Variants in ETFA observed in about 807,000 individuals in gnomAD.
The protein encoded by ETFA is electron transfer flavoprotein subunit alpha.
ETFA carries 22 observed loss-of-function variants against 46.2 expected under a neutral mutation model. The ratio of observed to expected loss-of-function variants is 0.48; its 90% CI spans 0.34 to 0.68. The LOEUF (loss-of-function observed/expected upper bound fraction) is 0.68, where lower values mean the gene tolerates loss of function less well. ETFA is among the 30% of genes least tolerant of loss of function. The pLI, the probability that ETFA is intolerant of heterozygous loss-of-function variation, is 0.01. For missense variants in ETFA, 345 were observed against 401.1 expected (o/e 0.86, Z 1.19); for synonymous variants, 131 against 139.9 (o/e 0.94, Z 0.45).
At chr15:76,259,731 T>C (rs1456562200) in intron 9 of ETFA, 1 of 1,503,798 alleles carries the variant, frequency 6.6e-7, no homozygotes, top group Non-Finnish European at 9.2e-7. Context: ...CCTGCCAGCA[T>C]GCAGTTCCGA....
chr15:76,301,304 C>T (rs1483105080), intron 1 of ETFA, among the ~76,000 whole-genome samples: 1 of 152,216 alleles, frequency 6.6e-6, no homozygotes, highest in Non-Finnish European at 1.5e-5. Context: ...TTCTCGTCCC[C>T]CTTTGATACT....
At chr15:76,272,223 T>A (rs763062963) in intron 9 of ETFA, among the ~76,000 whole-genome samples, 18 of 102,926 alleles carry the variant, frequency 1.7e-4, no homozygotes, top group Admixed American at 4.2e-4. Flanking sequence ...TCTTTCTTTC[T>A]TTTTTTTTTT....
chr15:76,279,517 TCCTCCCACTTTGG>T (rs202185977), intron 8 of ETFA, among the ~76,000 whole-genome samples: 1,655 of 152,078 alleles, frequency 0.011, 51 homozygotes, highest in East Asian at 0.077. Flanking sequence ...GCTTAAGCAA[TCCTCCCACTTTGG>T]CCTCCCAAAG....
chr15:76,231,069 G>C (rs1020652753), intron 10 of ETFA: 1 of 424,804 alleles, frequency 2.4e-6, no homozygotes, highest in African/African-American at 2.0e-5. Context: ...CAAAGAAACT[G>C]AGTTTGCAGA....
chr15:76,241,162 A>C (rs919852256), intron 9 of ETFA, among the ~76,000 whole-genome samples: 7 of 152,132 alleles, frequency 4.6e-5, no homozygotes, highest in Non-Finnish European at 1.0e-4. Context: ...TGAACATGTA[A>C]TCAAGTCTAT....
intron 9 of ETFA, chr15:76,260,296 C>T (rs551100108): frequency 3.7e-4 from 446 of 1,205,238 alleles, no homozygotes; most frequent in Non-Finnish European, 5.0e-4. Context: ...GCTGGCTCTC[C>T]CCGGGAAATG....
intron 9 of ETFA, 29 bp downstream of exon 9, chr15:76,274,383 T>G: frequency 2.0e-6 from 3 of 1,511,622 alleles, no homozygotes; most frequent in Non-Finnish European, 2.7e-6. Context: ...CATAACATTT[T>G]ACACAGCATA....
At position 76,311,448 on chromosome 15, in the gene ETFA, C is replaced by T. The variant is rs1026899693; in HGVS notation, c.-60G>A. ...CAGCCCCGTGCCCGGCCAACTGGCGCCGCCTCAGCCAGTCACCTAATGCTC... is the reference window on the plus strand; with the variant it reads ...CAGCCCCGTGCCCGGCCAACTGGCGTCGCCTCAGCCAGTCACCTAATGCTC... On this transcript the variant is annotated 5_prime_UTR_variant, in exon 1 of 12. Coordinates refer to ENST00000557943, the MANE Select transcript of ETFA (RefSeq NM_000126.4). 33 of 1,535,088 alleles carry T rather than the reference C, an allele frequency of 2.1e-5. No individual in the cohort carries two copies. The Admixed American group carries it at 3.7e-4, about 17-fold the overall frequency.
At chr15:76,309,354 G>T (rs1041629603) in intron 1 of ETFA, among the ~76,000 whole-genome samples, 3 of 152,354 alleles carry the variant, frequency 2.0e-5, no homozygotes, top group East Asian at 3.9e-4. Flanking sequence ...AGGAGGCTGA[G>T]GCAGGAGAAT....
intron 9 of ETFA, among the ~76,000 whole-genome samples, chr15:76,251,426 C>T (rs1011978216): frequency 6.6e-6 from 1 of 152,032 alleles, no homozygotes; most frequent in African/African-American, 2.4e-5. Flanking sequence ...GATAATGATA[C>T]TAAATAAGGG....
chr15:76,291,446 G>GAAAA (rs754954938), intron 4 of ETFA, among the ~76,000 whole-genome samples: 2 of 93,450 alleles, frequency 2.1e-5, no homozygotes, highest in Non-Finnish European at 4.0e-5. Context: ...ACTCCATCTC[G>GAAAA]AAAAAAAAAA....
rs2141492507 is a variant in ETFA, at chr15:76,259,811, A to AACCGGATCAGGGTAAAGGGG, written c.816+14581_816+14600dup. 5 of 1,602,020 alleles carry AACCGGATCAGGGTAAAGGGG rather than the reference A, an allele frequency of 3.1e-6. No homozygotes were observed. In the East Asian group the frequency reaches 1.1e-4, roughly 36 times the overall value. The stretch of plus-strand genomic sequence containing the variant: ...CATGCTGCAGGCAATGTCCACCATG[A>AACCGGATCAGGGTAAAGGGG]ACCGGATCAGGGTAAAGGGGTTCTC... On this transcript the variant is annotated intron_variant, in intron 9 of 11. Transcript: ENST00000557943.
intron 9 of ETFA, among the ~76,000 whole-genome samples, chr15:76,272,828 A>ATATATG (rs1291031649): frequency 6.7e-6 from 1 of 149,506 alleles, no homozygotes; most frequent in Non-Finnish European, 1.5e-5. Context: ...ATATATATAT[A>ATATATG]TATGCGCATG....
At chr15:76,245,029 T>G (rs901130260) in intron 9 of ETFA, among the ~76,000 whole-genome samples, 4 of 152,222 alleles carry the variant, frequency 2.6e-5, no homozygotes, top group Non-Finnish European at 5.9e-5. Flanking sequence ...ACCAAAGATA[T>G]AATTAAAACT....
chr15:76,227,830 G>T lies in ETFA; in HGVS notation c.883-1901C>A, dbSNP rs191401917. 2.9e-4 allele frequency: 130 copies of T among 456,058 alleles called. No homozygotes were observed. The East Asian group carries it at 8.4e-3, about 29-fold the overall frequency. 28.3% of individuals were successfully genotyped at this position (456,058 alleles called of 1,614,324 possible). A position where few individuals can be genotyped will look rare whatever the true frequency, so the allele number is the denominator to read the frequency against. On this transcript the variant is annotated intron_variant, in intron 10 of 11. Transcript: ENST00000557943. ...AACATCTGTGTATTTCCCTTAGAGG[G>T]GTTCCTCAGAGAGATGTGCAGAAGA...
chr15:76,226,037 A>G (rs537136940), intron 10 of ETFA, 108 bp from the exon 11 acceptor site: 9 of 731,810 alleles, frequency 1.2e-5, no homozygotes, highest in South Asian at 1.1e-4. Context: ...ATGTCTACCA[A>G]ATAAGATTTG....
chr15:76,297,985 A>C (rs931107931), intron 1 of ETFA, among the ~76,000 whole-genome samples: 1 of 152,172 alleles, frequency 6.6e-6, no homozygotes, highest in African/African-American at 2.4e-5. Flanking sequence ...TGAACTTTTA[A>C]AATGTTATTC....
chr15:76,249,534 C>T (rs186642524), intron 9 of ETFA, among the ~76,000 whole-genome samples: 318 of 151,188 alleles, frequency 2.1e-3, no homozygotes, highest in African/African-American at 7.6e-3. Context: ...CTCCGCCTCC[C>T]GGGTTCATGC....
chr15:76,261,134 C>T, intron 9 of ETFA: 1 of 1,522,566 alleles, frequency 6.6e-7, no homozygotes, highest in African/African-American at 1.4e-5. Context: ...ACCCCTGTTA[C>T]ATTTAAAACA....
Sources: gnomAD v4.1 joint callset for allele counts (sites outside exome capture counted in the v4.1 genomes callset) on GRCh38, gnomAD v4.1.1 for gene constraint, MANE v1.5 for transcripts, NCBI Gene and HGNC (gene_info 2026-07-23, HGNC 2026-07-21) for gene names.